HEPACAM2: variants seen among roughly 807,000 people sequenced by gnomAD.
HEPACAM2 encodes HEPACAM family member 2.
A neutral mutation model predicts 49.6 loss-of-function variants in HEPACAM2; 49 were observed. That is an observed-to-expected ratio of 0.99 (90% CI 0.78 to 1.25). The LOEUF (loss-of-function observed/expected upper bound fraction) is 1.25, where lower values mean the gene tolerates loss of function less well. HEPACAM2 is among the 50% of genes most tolerant of loss of function. The probability of loss-of-function intolerance (pLI) is 0.00; values close to 1 mark genes in which losing one functional copy is unlikely to be tolerated. For missense variants in HEPACAM2, 525 were observed against 557.2 expected (o/e 0.94, Z 0.58); for synonymous variants, 197 against 202.9 (o/e 0.97, Z 0.25).
chr7:93,222,661 G>A (rs1300221980), intron 1 of HEPACAM2, among the ~76,000 whole-genome samples: 1 of 152,138 alleles, frequency 6.6e-6, no homozygotes, highest in Non-Finnish European at 1.5e-5. Flanking sequence ...TCAGTTATGT[G>A]ACCTTAAATA....
chr7:93,223,448 T>C (rs1481825824), intron 1 of HEPACAM2, among the ~76,000 whole-genome samples: 2 of 152,078 alleles, frequency 1.3e-5, no homozygotes, highest in East Asian at 3.8e-4. Context: ...ATATTGAAGC[T>C]CTGAGAAAAA....
chr7:93,229,896 G>A (rs1019923478), upstream of HEPACAM2, among the ~76,000 whole-genome samples: 73 of 152,178 alleles, frequency 4.8e-4, 1 homozygote, highest in African/African-American at 1.7e-3. Context: ...AATAACGTAA[G>A]GTTCAATTAT....
intron 2 of HEPACAM2, 90 bp downstream of exon 2, chr7:93,219,011 C>A: frequency 9.0e-7 from 1 of 1,116,084 alleles, no homozygotes; most frequent in South Asian, 1.5e-5. Flanking sequence ...GTTGTGAAGC[C>A]AAGATCTAAA....
chr7:93,195,736 A>G, intron 8 of HEPACAM2, 92 bp downstream of exon 8: 2 of 915,860 alleles, frequency 2.2e-6, no homozygotes, highest in Admixed American at 1.9e-5. Flanking sequence ...CAGCCATTTG[A>G]CCACACTGCC....
At chr7:93,195,731 A>G (rs1793696090) in intron 8 of HEPACAM2, 97 bp downstream of exon 8, 2 of 884,976 alleles carry the variant, frequency 2.3e-6, no homozygotes, top group African/African-American at 1.7e-5. Context: ...TAATGCAGCC[A>G]TTTGACCACA....
chr7:93,231,978 GTC>G, the HEPACAM2 span, among the ~76,000 whole-genome samples: 1 of 152,040 alleles, frequency 6.6e-6, no homozygotes, highest in African/African-American at 2.4e-5. Flanking sequence ...CTTCGCGTCA[GTC>G]TCTCGTTCTC....
At position 93,192,311 on chromosome 7, in the gene HEPACAM2, T is replaced by C; in HGVS notation, c.1328A>G (p.His443Arg). The C allele has an allele frequency of 3.1e-6, 5 of 1,612,908 alleles. No individual in the cohort carries two copies. Among genetic ancestry groups the C allele is most frequent in the Non-Finnish European group, 4.2e-6 (5 of 1,179,238 alleles). The change falls in exon 9 of 10, where the codon CAC (histidine) becomes CGC (arginine). Residue 443 changes from histidine to arginine, a missense_variant. By Grantham distance (29) the His-to-Arg change is conservative (BLOSUM62 0). Transcript: ENST00000394468. The stretch of plus-strand genomic sequence containing the variant: ...CTGAATAACTTCATACACTGTACTG[T>C]GCAAATCTTGCCCCGATACACAATC... ...ASDCVSGQDL[H>R]STVYEVIQHI...
chr7:93,194,919 A>ATTTTTTTTTTTTTTT (rs1562820485), intron 8 of HEPACAM2, among the ~76,000 whole-genome samples: 1 of 102,398 alleles, frequency 9.8e-6, no homozygotes, highest in African/African-American at 5.3e-5. Flanking sequence ...ACTTTAAAAG[A>ATTTTTTTTTTTTTTT]TCTTTTTTTT....
intron 9 of HEPACAM2, among the ~76,000 whole-genome samples, chr7:93,190,796 G>A (rs577740945): frequency 4.6e-5 from 7 of 151,066 alleles, no homozygotes; most frequent in African/African-American, 1.7e-4. Flanking sequence ...TCAGTTTTTT[G>A]ACACGCAAAA....
intron 4 of HEPACAM2, among the ~76,000 whole-genome samples, chr7:93,204,533 A>C (rs190856257): frequency 4.1e-4 from 63 of 152,258 alleles, no homozygotes; most frequent in African/African-American, 1.5e-3. Flanking sequence ...TTTAATAGCT[A>C]TTCTTTTCTT....
At chr7:93,203,415 A>T (rs1240870672) in intron 4 of HEPACAM2, among the ~76,000 whole-genome samples, 1 of 152,124 alleles carries the variant, frequency 6.6e-6, no homozygotes, top group Non-Finnish European at 1.5e-5. Flanking sequence ...AACTTCCAGA[A>T]CCTGAACTTG....
At chr7:93,197,110 C>G in intron 7 of HEPACAM2, 131 bp downstream of exon 7, 1 of 573,586 alleles carries the variant, frequency 1.7e-6, no homozygotes, top group Non-Finnish European at 2.5e-6. Context: ...GGCACTAACT[C>G]AAAGGTAAGA....
At chr7:93,206,840 G>A (rs1269476742) in intron 4 of HEPACAM2, among the ~76,000 whole-genome samples, 1 of 152,010 alleles carries the variant, frequency 6.6e-6, no homozygotes, top group Non-Finnish European at 1.5e-5. Context: ...GAGTACCTAC[G>A]AGAAACCCAT....
intron 2 of HEPACAM2, among the ~76,000 whole-genome samples, chr7:93,216,008 C>T (rs1794300061): frequency 6.6e-6 from 1 of 152,098 alleles, no homozygotes; most frequent in Non-Finnish European, 1.5e-5. Flanking sequence ...TGTGCTTTCA[C>T]CAACACCATA....
At position 93,208,888 on chromosome 7, in the gene HEPACAM2, T is replaced by TAAA; in HGVS notation, c.716-15_716-13dup. ...TCCATAAGGTCCATCTGCATCAATA[T>TAAA]AAAAAAAAATAGATAAGTAACACAA... On this transcript the variant is annotated splice_polypyrimidine_tract_variant and intron_variant, in intron 3 of 9. Coordinates refer to ENST00000394468, the MANE Select transcript of HEPACAM2 (RefSeq NM_001039372.4). 6.6e-7 allele frequency: 1 copy of TAAA among 1,509,044 alleles called. No individual in the cohort carries two copies. The highest frequency in any genetic ancestry group is 2.3e-5 in the East Asian group (1 of 42,822). 93.5% of individuals were successfully genotyped at this position (1,509,044 alleles called of 1,614,324 possible).
rs539470463 is a variant in HEPACAM2, at chr7:93,217,007, G to A, written c.431-1322C>T. Reference sequence around the variant, plus strand: ...AAAGGAAGTCGAAAGGTAACTTATGGGGGAGTCGAGTAATTCTGAAGCTTA... The same window carrying A: ...AAAGGAAGTCGAAAGGTAACTTATGAGGGAGTCGAGTAATTCTGAAGCTTA... On this transcript the variant is annotated intron_variant, in intron 2 of 9. Coordinates refer to ENST00000394468, the MANE Select transcript of HEPACAM2 (RefSeq NM_001039372.4). 2.6e-5 allele frequency among the ~76,000 whole-genome samples: 4 copies of A among 152,248 alleles called. 1 individual carries two copies. Among genetic ancestry groups the A allele is most frequent in the African/African-American group, 9.6e-5 (4 of 41,548 alleles).
In HEPACAM2 at chr7:93,208,759, T is replaced by C. The variant is rs767315055; in HGVS notation, c.833A>G (p.Asn278Ser). ...AGTCCTCCTAATCCAGGAGTAGGTG[T>C]TGGGGGGATGAGAATCAGCAGAACA... ...FDCSADSHPP[N>S]TYSWIRRTDN... Residue 278 changes from asparagine (N) to serine (S), a missense_variant, in exon 4 of 10, where the codon AAC becomes AGC. Coordinates refer to ENST00000394468, the MANE Select transcript of HEPACAM2 (RefSeq NM_001039372.4). The C allele has an allele frequency of 3.1e-6, 5 of 1,612,910 alleles. No homozygotes were observed. The highest frequency in any genetic ancestry group is 4.2e-6 in the Non-Finnish European group (5 of 1,179,414).
intron 2 of HEPACAM2, 101 bp from the exon 3 acceptor site, chr7:93,215,786 A>G: frequency 8.7e-7 from 1 of 1,146,688 alleles, no homozygotes; most frequent in East Asian, 2.5e-5. Flanking sequence ...AAATTATTCC[A>G]GCATTTTACA....
Position 93,215,500 on chromosome 7 carries a change from TA to T in HEPACAM2, c.615del (p.His205GlnfsTer5), listed in dbSNP as rs753783130. ...YSFSPQNNTL[H>X]IAPVTKEDIG... ...ATGTCTTCCTTGGTTACTGGAGCAATATGAAGGGTATTGTTTTGGGGAGAAA... is the reference window on the plus strand; with the variant it reads ...ATGTCTTCCTTGGTTACTGGAGCAATTGAAGGGTATTGTTTTGGGGAGAAA... On this transcript the variant is annotated frameshift_variant, in exon 3 of 10. Coordinates refer to ENST00000394468, the MANE Select transcript of HEPACAM2 (RefSeq NM_001039372.4). LOFTEE classifies it high-confidence loss of function. 5 of 1,613,736 alleles carry T rather than the reference TA, an allele frequency of 3.1e-6. No individual in the cohort carries two copies. In the African/African-American group the frequency reaches 6.7e-5, roughly 22 times the overall value.
Sources: allele counts gnomAD v4.1 joint callset (sites outside exome capture counted in the v4.1 genomes callset), GRCh38; gene constraint gnomAD v4.1.1; transcripts MANE v1.5; gene names NCBI Gene and HGNC (gene_info 2026-07-23, HGNC 2026-07-21).